The following TMEM232 variants were observed in gnomAD, a reference collection of about 807,000 sequenced individuals.
TMEM232 encodes transmembrane protein 232.
In TMEM232, 80 loss-of-function variants were observed where a neutral mutation model predicts 78.8. The observed-to-expected ratio is 1.01, with a 90% CI of 0.85 to 1.22. The LOEUF (loss-of-function observed/expected upper bound fraction) is 1.22. Ranked by LOEUF, TMEM232 falls within the 50% of genes most tolerant of loss-of-function variation. The pLI is 0.00. For missense variants in TMEM232, 881 were observed against 742.2 expected (o/e 1.19, Z -2.17); for synonymous variants, 297 against 254.3 (o/e 1.17, Z -1.60).
At position 110,625,451 on chromosome 5, in the gene TMEM232, A is replaced by T. The variant is rs1439485872; in HGVS notation, c.602-18T>A. On this transcript the variant is annotated intron_variant, in intron 6 of 13. Transcript: ENST00000455884. ...AGAAAGTGCTATTGTAAGAAAAATC[A>T]TCTGTGAGAAATAATTTATTAATAT... 2 of 1,489,358 alleles carry T rather than the reference A, an allele frequency of 1.3e-6. No homozygotes were observed. The highest frequency in any genetic ancestry group is 2.4e-5 in the Admixed American group (1 of 42,010). 92.3% of individuals were successfully genotyped at this position (1,489,358 alleles called of 1,614,324 possible).
chr5:110,448,435 G>C (rs1405837313), intron 12 of TMEM232, among the ~76,000 whole-genome samples: 1 of 152,030 alleles, frequency 6.6e-6, no homozygotes, highest in East Asian at 1.9e-4. Flanking sequence ...TGTCGTTCTA[G>C]AAACTAACAC....
chr5:110,484,881 C>CAAG (rs1764290331), intron 12 of TMEM232, among the ~76,000 whole-genome samples: 1 of 151,872 alleles, frequency 6.6e-6, no homozygotes, highest in Admixed American at 6.6e-5. Context: ...CAACAACGGT[C>CAAG]AAGACCTCAA....
At chr5:110,642,415 T>C in intron 2 of TMEM232, 44 bp from the exon 3 acceptor site, 1 of 1,358,588 alleles carries the variant, frequency 7.4e-7, no homozygotes, top group Non-Finnish European at 9.8e-7. Flanking sequence ...AGTATAGCTA[T>C]CACTTCCAAA....
intron 3 of TMEM232, among the ~76,000 whole-genome samples, chr5:110,641,439 T>C (rs1472606509): frequency 6.6e-6 from 1 of 152,152 alleles, no homozygotes; most frequent in African/African-American, 2.4e-5. Context: ...TGATCAGGAT[T>C]GTTCCACTTC....
chr5:110,567,326 A>C (rs1164950829), intron 11 of TMEM232, among the ~76,000 whole-genome samples: 1 of 151,722 alleles, frequency 6.6e-6, no homozygotes, highest in Non-Finnish European at 1.5e-5. Context: ...AATCAATATT[A>C]AATTTAATTA....
chr5:110,707,857 G>A (rs1195174856), intron 1 of TMEM232, among the ~76,000 whole-genome samples: 3 of 152,114 alleles, frequency 2.0e-5, no homozygotes, highest in Non-Finnish European at 4.4e-5. Context: ...GCAGAGTCAT[G>A]AGGCTCCTGT....
chr5:110,580,583 G>A (rs1288836953), intron 10 of TMEM232, among the ~76,000 whole-genome samples: 1 of 151,482 alleles, frequency 6.6e-6, no homozygotes, highest in African/African-American at 2.4e-5. Context: ...GAACTAAAGG[G>A]AGAAATACAG....
chr5:110,500,631 G>A, intron 12 of TMEM232, among the ~76,000 whole-genome samples: 1 of 151,056 alleles, frequency 6.6e-6, no homozygotes, highest in Admixed American at 6.6e-5. Flanking sequence ...AGCTAGAAAA[G>A]GAAACAAAGT....
chr5:110,624,354 T>C (rs777649130), intron 7 of TMEM232, among the ~76,000 whole-genome samples: 4 of 152,022 alleles, frequency 2.6e-5, no homozygotes, highest in African/African-American at 4.8e-5. Flanking sequence ...TAGGGCAGAC[T>C]GATGATGGTG....
intron 1 of TMEM232, among the ~76,000 whole-genome samples, chr5:110,694,743 A>C (rs554741421): frequency 7.6e-4 from 116 of 152,164 alleles, no homozygotes; most frequent in African/African-American, 2.6e-3. Context: ...TCAATTCAGC[A>C]AGAACTAACT....
chr5:110,618,637 A>T, intron 7 of TMEM232, 75 bp from the exon 8 acceptor site: 1 of 1,360,940 alleles, frequency 7.3e-7, no homozygotes, highest in Admixed American at 3.0e-5. Flanking sequence ...TTGAACAAAC[A>T]TGAAAATAAA....
At chr5:110,700,196 A>C (rs1182983467) in intron 1 of TMEM232, among the ~76,000 whole-genome samples, 1 of 152,058 alleles carries the variant, frequency 6.6e-6, no homozygotes, top group Non-Finnish European at 1.5e-5. Context: ...CCAGCACTGT[A>C]AACAGGACCA....
intron 12 of TMEM232, among the ~76,000 whole-genome samples, chr5:110,492,206 TA>T (rs1270628072): frequency 1.3e-5 from 2 of 151,442 alleles, no homozygotes; most frequent in African/African-American, 2.4e-5. Context: ...AGTATAATAA[TA>T]ATAAAATTAA....
At chr5:110,676,857 C>T (rs1451964363) in intron 1 of TMEM232, among the ~76,000 whole-genome samples, 2 of 151,944 alleles carry the variant, frequency 1.3e-5, no homozygotes, top group Non-Finnish European at 2.9e-5. Context: ...CTCCCCGGTT[C>T]GAGCGATTCT....
At chr5:110,591,840 T>A (rs932867015) in intron 10 of TMEM232, among the ~76,000 whole-genome samples, 5 of 152,148 alleles carry the variant, frequency 3.3e-5, no homozygotes, top group Non-Finnish European at 7.4e-5. Context: ...TAATTTTCAG[T>A]TAAATAAAGC....
chr5:110,643,480 A>T (rs1352686855), intron 2 of TMEM232, among the ~76,000 whole-genome samples: 1 of 152,084 alleles, frequency 6.6e-6, no homozygotes, highest in African/African-American at 2.4e-5. Flanking sequence ...AAATAAGTTG[A>T]AAGTGTATGC....
chr5:110,601,220 GA>G (rs763578340), intron 10 of TMEM232, among the ~76,000 whole-genome samples: 19 of 152,122 alleles, frequency 1.2e-4, no homozygotes, highest in Admixed American at 6.6e-5. Flanking sequence ...GCAAAAGCTA[GA>G]AGTATTCCCT....
chr5:110,496,878 G>A (rs1015236908), intron 12 of TMEM232, among the ~76,000 whole-genome samples: 1 of 151,974 alleles, frequency 6.6e-6, no homozygotes, highest in Non-Finnish European at 1.5e-5. Context: ...AGAACACAGA[G>A]GAAGAAACAA....
intron 3 of TMEM232, among the ~76,000 whole-genome samples, chr5:110,395,376 G>A (rs989138858): frequency 1.2e-4 from 19 of 152,028 alleles, no homozygotes; most frequent in Non-Finnish European, 1.9e-4. Flanking sequence ...GTGCCTTTCA[G>A]GGGTTCTATA....
Sources: gnomAD v4.1 joint callset for allele counts (sites outside exome capture counted in the v4.1 genomes callset) on GRCh38, gnomAD v4.1.1 for gene constraint, MANE v1.5 for transcripts, NCBI Gene and HGNC (gene_info 2026-07-23, HGNC 2026-07-21) for gene names.